Variants in SNX29 observed in about 807,000 individuals in gnomAD.
The protein encoded by SNX29 is sorting nexin-29.
SNX29 carries 78 observed loss-of-function variants against 102.1 expected under a neutral mutation model. The observed-to-expected ratio is 0.76, with a 90% confidence interval of 0.64 to 0.92. SNX29 has a LOEUF of 0.92. Ranked by LOEUF, SNX29 falls within the 40% of genes least tolerant of loss-of-function variation. The pLI is 0.00. For missense variants in SNX29, 1,280 were observed against 1,061.7 expected (o/e 1.21, Z -2.86); for synonymous variants, 580 against 414.5 (o/e 1.40, Z -4.85).
chr16:12,010,717 C>A (rs1206668446), intron 3 of SNX29, among the ~76,000 whole-genome samples: 1 of 151,638 alleles, frequency 6.6e-6, no homozygotes, highest in Non-Finnish European at 1.5e-5. Flanking sequence ...CTTCTCCTTT[C>A]AAAGCATGCA....
intron 18 of SNX29, among the ~76,000 whole-genome samples, chr16:12,408,832 T>C (rs1263228527): frequency 6.6e-6 from 1 of 152,150 alleles, no homozygotes; most frequent in Admixed American, 6.5e-5. Context: ...AAATAAAATG[T>C]CATCCTACAT....
At chr16:12,016,457 A>G (rs1326252684) in intron 3 of SNX29, among the ~76,000 whole-genome samples, 4 of 152,176 alleles carry the variant, frequency 2.6e-5, no homozygotes, top group African/African-American at 9.7e-5. Context: ...CACTGGCACA[A>G]GAGTGTCATT....
intron 14 of SNX29, among the ~76,000 whole-genome samples, chr16:12,276,627 T>C (rs377248082): frequency 3.9e-5 from 6 of 152,338 alleles, no homozygotes; most frequent in African/African-American, 1.4e-4. Context: ...AAACTGATCC[T>C]GCATCATTGA....
At chr16:12,389,280 C>T (rs936309952) in intron 16 of SNX29, among the ~76,000 whole-genome samples, 6 of 152,180 alleles carry the variant, frequency 3.9e-5, no homozygotes, top group African/African-American at 1.4e-4. Flanking sequence ...GCTGTGTCCC[C>T]ACCCAAATTT....
chr16:12,067,645 G>A (rs1000314042), intron 9 of SNX29, among the ~76,000 whole-genome samples: 2 of 152,204 alleles, frequency 1.3e-5, no homozygotes, highest in Middle Eastern at 3.4e-3. Context: ...GCACTACCTC[G>A]CACAGCTAAT....
rs564743148 is a variant in SNX29, at chr16:12,540,465, C to G, written c.2318+15624C>G. Reference sequence around the variant, plus strand: ...GGCCAGAAGTCCGAGATCCGTCTTACTAGGCTACAGTCAAGGTGTCGGCAG... The same window carrying G: ...GGCCAGAAGTCCGAGATCCGTCTTAGTAGGCTACAGTCAAGGTGTCGGCAG... On this transcript the variant is annotated intron_variant, in intron 20 of 20. Coordinates refer to ENST00000566228, the MANE Select transcript of SNX29 (RefSeq NM_032167.5). 7.2e-5 allele frequency among the ~76,000 whole-genome samples: 11 copies of G among 152,354 alleles called. No homozygotes were observed. The South Asian group carries it at 1.7e-3, about 23-fold the overall frequency.
chr16:12,415,393 TACTC>T (rs1323612369), intron 18 of SNX29, among the ~76,000 whole-genome samples: 1 of 152,264 alleles, frequency 6.6e-6, no homozygotes, highest in Non-Finnish European at 1.5e-5. Context: ...TTGAGTTTCA[TACTC>T]ACACACAGCA....
chr16:12,318,996 C>T (rs1299676627), intron 15 of SNX29, among the ~76,000 whole-genome samples: 1 of 152,074 alleles, frequency 6.6e-6, no homozygotes, highest in Non-Finnish European at 1.5e-5. Context: ...TTTGGGGAGT[C>T]CCTTCAGACC....
intron 15 of SNX29, among the ~76,000 whole-genome samples, chr16:12,318,967 T>A (rs1262510605): frequency 1.3e-5 from 2 of 152,272 alleles, no homozygotes; most frequent in African/African-American, 2.4e-5. Flanking sequence ...TTATCTTGTC[T>A]CCTGCTAAAT....
chr16:12,514,740 C>T (rs578237450), intron 19 of SNX29, among the ~76,000 whole-genome samples: 2 of 152,238 alleles, frequency 1.3e-5, no homozygotes, highest in Admixed American at 1.3e-4. Context: ...TGGCATGTAC[C>T]TGTAATCCCT....
At chr16:12,186,361 A>G (rs775718486) in intron 13 of SNX29, among the ~76,000 whole-genome samples, 8 of 152,198 alleles carry the variant, frequency 5.3e-5, no homozygotes, top group South Asian at 2.1e-4. Context: ...ATTTATCTGT[A>G]TCTATATCTC....
At chr16:12,555,812 A>C (rs551676034) in intron 20 of SNX29, among the ~76,000 whole-genome samples, 1 of 152,000 alleles carries the variant, frequency 6.6e-6, no homozygotes, top group South Asian at 2.1e-4. Context: ...TGCCTCTGCA[A>C]GAAAGGTGCT....
chr16:12,169,830 C>G (rs1365317982), intron 13 of SNX29, among the ~76,000 whole-genome samples: 1 of 151,984 alleles, frequency 6.6e-6, no homozygotes, highest in Non-Finnish European at 1.5e-5. Context: ...CCACTGCACT[C>G]CAGCCTGGGG....
chr16:12,368,532 C>G (rs9932158), intron 16 of SNX29, among the ~76,000 whole-genome samples: 1 of 152,180 alleles, frequency 6.6e-6, no homozygotes, highest in Non-Finnish European at 1.5e-5. Flanking sequence ...AAAATACAGT[C>G]CCTGCCTTTG....
At chr16:12,495,568 T>C (rs2088781107) in intron 19 of SNX29, among the ~76,000 whole-genome samples, 1 of 152,270 alleles carries the variant, frequency 6.6e-6, no homozygotes, top group African/African-American at 2.4e-5. Flanking sequence ...ATTAGCACAT[T>C]TTATGAACAT....
chr16:12,212,973 G>T (rs751797199), intron 14 of SNX29, among the ~76,000 whole-genome samples: 2 of 152,120 alleles, frequency 1.3e-5, no homozygotes, highest in Non-Finnish European at 2.9e-5. Context: ...AATTAGCTGG[G>T]CATGGTGGCA....
At position 12,574,151 on chromosome 16, in the gene SNX29, G is replaced by C. The variant is rs1366717647; in HGVS notation, c.*5522G>C. On this transcript the variant is annotated 3_prime_UTR_variant, in exon 21 of 21. Transcript: ENST00000566228. ...TACATAATAGGATTTTTAAACAAAT[G>C]TGTTTAATTTTTTAAGATCTCTTGT... 1.1e-5 allele frequency: 2 copies of C among 181,788 alleles called. No individual in the cohort carries two copies. Among genetic ancestry groups the C allele is most frequent in the East Asian group, 9.0e-5 (1 of 11,076 alleles). The allele number at this position is 181,788 out of a possible 1,614,324, so 11.3% of individuals were successfully genotyped here. A position where few individuals can be genotyped will look rare whatever the true frequency, so the allele number is the denominator to read the frequency against.
intron 3 of SNX29, among the ~76,000 whole-genome samples, chr16:12,023,885 G>A (rs371526001): frequency 3.3e-5 from 5 of 152,296 alleles, no homozygotes; most frequent in African/African-American, 1.2e-4. Flanking sequence ...AATCTCCTGA[G>A]ATGCATCTCC....
chr16:12,483,713 C>G (rs1319096923), intron 19 of SNX29, among the ~76,000 whole-genome samples: 1 of 152,180 alleles, frequency 6.6e-6, no homozygotes, highest in African/African-American at 2.4e-5. Flanking sequence ...ATCTTTGGCT[C>G]ATGTTCTCTG....
Sources: allele counts gnomAD v4.1 joint callset (sites outside exome capture counted in the v4.1 genomes callset), GRCh38; gene constraint gnomAD v4.1.1; transcripts MANE v1.5; gene names NCBI Gene and HGNC (gene_info 2026-07-23, HGNC 2026-07-21).